The following CEP112 variants were observed in gnomAD, a reference collection of about 807,000 sequenced individuals.
CEP112 encodes centrosomal protein of 112 kDa.
Under a neutral mutation model 153.0 loss-of-function variants are expected in CEP112, and 127 were observed. The observed-to-expected ratio is 0.83, with a 90% CI of 0.72 to 0.96. The LOEUF (loss-of-function observed/expected upper bound fraction) is 0.96. Ranked by LOEUF, CEP112 falls within the 40% of genes least tolerant of loss-of-function variation. CEP112 has a pLI of 0.00. For missense variants in CEP112, 1,089 were observed against 1,101.2 expected, an observed-to-expected ratio of 0.99 and a Z score of 0.16; for synonymous variants, 358 against 374.4, an observed-to-expected ratio of 0.96 and a Z score of 0.51.
intron 24 of CEP112, among the ~76,000 whole-genome samples, chr17:65,652,756 T>C (rs1030458951): frequency 3.3e-5 from 5 of 152,178 alleles, no homozygotes; most frequent in East Asian, 1.9e-4. Flanking sequence ...AAACAATCTA[T>C]ATATATTTGA....
chr17:65,666,134 T>G (rs899665455), intron 24 of CEP112, among the ~76,000 whole-genome samples: 1 of 152,242 alleles, frequency 6.6e-6, no homozygotes, highest in Admixed American at 6.5e-5. Context: ...GTTGCCAGGT[T>G]TTTTGGGCCA....
chr17:66,123,172 G>C (rs995084872), intron 6 of CEP112, among the ~76,000 whole-genome samples: 17 of 152,168 alleles, frequency 1.1e-4, no homozygotes, highest in African/African-American at 3.9e-4. Context: ...CAGTATTCTT[G>C]ACCTACTGTG....
chr17:65,717,365 T>C (rs1360918685), intron 23 of CEP112, among the ~76,000 whole-genome samples: 1 of 152,052 alleles, frequency 6.6e-6, no homozygotes, highest in Non-Finnish European at 1.5e-5. Context: ...AACAAGTCAG[T>C]CCCAGAAGAG....
At chr17:65,643,080 C>T (rs544595363) in intron 24 of CEP112, among the ~76,000 whole-genome samples, 7 of 151,998 alleles carry the variant, frequency 4.6e-5, no homozygotes, top group Non-Finnish European at 1.0e-4. Context: ...TGGAGTGTGT[C>T]CTTTGGGTAG....
At chr17:66,133,165 A>G (rs1230533769) in intron 4 of CEP112, among the ~76,000 whole-genome samples, 3 of 152,174 alleles carry the variant, frequency 2.0e-5, no homozygotes, top group Admixed American at 6.5e-5. Context: ...AAGAAGTTAC[A>G]TAAATGCCAC....
chr17:66,146,714 C>A (rs191828005), intron 4 of CEP112, among the ~76,000 whole-genome samples: 1 of 152,160 alleles, frequency 6.6e-6, no homozygotes, highest in Non-Finnish European at 1.5e-5. Context: ...TTCTACTTTC[C>A]GTTTCTATGA....
At chr17:65,698,673 G>C (rs232139) in intron 23 of CEP112, among the ~76,000 whole-genome samples, 69,973 of 151,778 alleles carry the variant, frequency 0.46, 16,521 homozygotes, top group Middle Eastern at 0.55. Flanking sequence ...ACATTCCCCC[G>C]CTTCGTGGCT....
At chr17:66,034,973 C>T (rs28470265) in intron 12 of CEP112, among the ~76,000 whole-genome samples, 147 of 2,310 alleles carry the variant, frequency 0.064, 8 homozygotes, top group Non-Finnish European at 0.1. Context: ...TAAGTTTTTG[C>T]ATGTATATAT....
intron 24 of CEP112, among the ~76,000 whole-genome samples, chr17:65,655,759 C>T (rs184654183): frequency 1.5e-3 from 226 of 148,804 alleles, no homozygotes; most frequent in Non-Finnish European, 2.3e-3. Context: ...ATACTGGTAA[C>T]AGGAAAAAAA....
chr17:65,794,930 G>C (rs1282657500), intron 21 of CEP112, among the ~76,000 whole-genome samples: 1 of 152,234 alleles, frequency 6.6e-6, no homozygotes, highest in Admixed American at 6.5e-5. Context: ...TGGGGACTGT[G>C]ATCTGTTTTG....
chr17:65,814,682 T>C (rs1331579650), intron 21 of CEP112, among the ~76,000 whole-genome samples: 1 of 152,118 alleles, frequency 6.6e-6, no homozygotes, highest in African/African-American at 2.4e-5. Context: ...TCAGAGGAAT[T>C]GCAAACCTAT....
chr17:66,091,116 G>A lies in CEP112; in HGVS notation c.768+5135C>T, dbSNP rs146254480. Reference sequence around the variant, plus strand: ...ACTTTAAGACCACAATTTCAGCAACGGACGGGTTACCCAGAAAGAAAATTA... The same window carrying A: ...ACTTTAAGACCACAATTTCAGCAACAGACGGGTTACCCAGAAAGAAAATTA... On this transcript the variant is annotated intron_variant, in intron 8 of 26. Coordinates refer to ENST00000535342, the MANE Select transcript of CEP112 (RefSeq NM_001199165.4). Among the ~76,000 whole-genome samples, 14 of 152,078 alleles carry A rather than the reference G, an allele frequency of 9.2e-5. No homozygotes were observed. The East Asian group carries it at 2.1e-3, about 23-fold the overall frequency.
intron 21 of CEP112, among the ~76,000 whole-genome samples, chr17:65,833,053 T>C (rs1236655191): frequency 6.6e-6 from 1 of 152,132 alleles, no homozygotes; most frequent in Admixed American, 6.5e-5. Flanking sequence ...TGGTTCAACC[T>C]ACACAAATCA....
intron 1 of CEP112, among the ~76,000 whole-genome samples, chr17:66,190,619 A>G (rs949115182): frequency 1.3e-5 from 2 of 152,236 alleles, no homozygotes; most frequent in African/African-American, 4.8e-5. Context: ...TCTCAAAAAA[A>G]TAAATAATTC....
At chr17:66,088,457 C>T (rs1203771517) in intron 8 of CEP112, among the ~76,000 whole-genome samples, 2 of 152,128 alleles carry the variant, frequency 1.3e-5, no homozygotes, top group Non-Finnish European at 2.9e-5. Context: ...ATCAGGCCAG[C>T]ACTCACAGAC....
chr17:65,649,073 A>AACACAC (rs71158400), intron 24 of CEP112, among the ~76,000 whole-genome samples: 3,844 of 139,492 alleles, frequency 0.028, 83 homozygotes, highest in Non-Finnish European at 0.042. Flanking sequence ...CAAACAAACA[A>AACACAC]ACACACACAC....
At chr17:66,024,571 T>TA (rs34601221) in intron 16 of CEP112, among the ~76,000 whole-genome samples, 62,199 of 151,272 alleles carry the variant, frequency 0.41, 14,221 homozygotes, top group East Asian at 0.87. Flanking sequence ...ACAATAGTTA[T>TA]AAAAAAAACC....
intron 24 of CEP112, among the ~76,000 whole-genome samples, chr17:65,682,541 A>G (rs1374000218): frequency 6.6e-6 from 1 of 152,150 alleles, no homozygotes; most frequent in African/African-American, 2.4e-5. Context: ...ACTGCTTTCT[A>G]ACGAATGACT....
At chr17:65,770,226 G>T (rs1390775191) in intron 21 of CEP112, among the ~76,000 whole-genome samples, 2 of 151,284 alleles carry the variant, frequency 1.3e-5, no homozygotes, top group African/African-American at 4.9e-5. Context: ...GCAAAGAAAA[G>T]AAATAAATAT....
Sources: allele counts gnomAD v4.1 joint callset (sites outside exome capture counted in the v4.1 genomes callset), GRCh38; gene constraint gnomAD v4.1.1; transcripts MANE v1.5; gene names NCBI Gene and HGNC (gene_info 2026-07-23, HGNC 2026-07-21).